KMO: variants seen among roughly 807,000 people sequenced by gnomAD.
KMO encodes the protein kynurenine 3-monooxygenase, also known as kynurenine 3-hydroxylase.
Under a neutral mutation model 57.8 loss-of-function variants are expected in KMO, and 24 were observed. That is an observed-to-expected ratio of 0.42 (90% confidence interval 0.30 to 0.58). KMO has a LOEUF of 0.58. Ranked by LOEUF, KMO falls within the 20% of genes least tolerant of loss-of-function variation. The probability of loss-of-function intolerance (pLI) is 0.22; values close to 1 mark genes in which losing one functional copy is unlikely to be tolerated. For synonymous variants in KMO, 210 were observed against 193.6 expected (o/e 1.08, Z -0.70); for missense variants, 483 against 588.2 (o/e 0.82, Z 1.85).
chr1:241,563,938 C>A (rs1234858524), intron 7 of KMO, among the ~76,000 whole-genome samples: 8 of 152,104 alleles, frequency 5.3e-5, no homozygotes, highest in Non-Finnish European at 1.2e-4. Flanking sequence ...GGGTAAATGG[C>A]TTTCTACCAC....
intron 4 of KMO, among the ~76,000 whole-genome samples, chr1:241,553,108 A>C (rs981723093): frequency 3.9e-5 from 6 of 152,260 alleles, no homozygotes; most frequent in African/African-American, 1.4e-4. Flanking sequence ...GGATATATCT[A>C]ACCTTTTTTA....
At chr1:241,551,387 T>C (rs1661387025) in intron 4 of KMO, among the ~76,000 whole-genome samples, 1 of 152,236 alleles carries the variant, frequency 6.6e-6, no homozygotes, top group African/African-American at 2.4e-5. Flanking sequence ...AAGCATAATG[T>C]ACAAGAACAA....
intron 10 of KMO, among the ~76,000 whole-genome samples, chr1:241,577,322 C>T (rs539421630): frequency 3.9e-4 from 59 of 152,062 alleles, no homozygotes; most frequent in Admixed American, 1.4e-3. Flanking sequence ...GTCATATTAC[C>T]GGAATTATTT....
At chr1:241,540,739 G>A (rs1660928862) in intron 1 of KMO, among the ~76,000 whole-genome samples, 2 of 152,162 alleles carry the variant, frequency 1.3e-5, no homozygotes, top group South Asian at 2.1e-4. Context: ...ACAACTGTAA[G>A]ACAAAAATAA....
At position 241,562,158 on chromosome 1, in the gene KMO, AT is replaced by A; in HGVS notation, c.450-4del. 3 of 1,612,992 alleles carry A rather than the reference AT, an allele frequency of 1.9e-6. No individual in the cohort carries two copies. Among genetic ancestry groups the A allele is most frequent in the Non-Finnish European group, 2.5e-6 (3 of 1,179,408 alleles). ...ATTTTTCTTTTGGATGTTTTGTTCT[AT>A]TTTTCAGATCTGACAAAGTTCCCAA... On this transcript the variant is annotated splice_region_variant and splice_polypyrimidine_tract_variant and intron_variant, in intron 6 of 14. Coordinates refer to ENST00000366559, the MANE Select transcript of KMO (RefSeq NM_003679.5).
At chr1:241,549,642 T>C in intron 2 of KMO, 35 bp from the exon 3 acceptor site, 1 of 1,371,154 alleles carries the variant, frequency 7.3e-7, no homozygotes, top group Non-Finnish European at 1.0e-6. Flanking sequence ...GGATATAAAG[T>C]GTGCGTAACA....
chr1:241,551,207 G>C (rs1368770286), intron 4 of KMO, among the ~76,000 whole-genome samples, 163 bp downstream of exon 4: 1 of 152,166 alleles, frequency 6.6e-6, no homozygotes, highest in African/African-American at 2.4e-5. Context: ...TTTATTCAGA[G>C]GAGATGCTCA....
At chr1:241,555,483 A>G (rs1661578712) in intron 4 of KMO, 129 bp from the exon 5 acceptor site, 2 of 517,362 alleles carry the variant, frequency 3.9e-6, no homozygotes, top group African/African-American at 3.8e-5. Context: ...CACTTAGCGA[A>G]ATGGTTATAA....
At chr1:241,568,327 A>G (rs976092094) in intron 9 of KMO, among the ~76,000 whole-genome samples, 173 bp from the exon 10 acceptor site, 4 of 152,210 alleles carry the variant, frequency 2.6e-5, no homozygotes, top group African/African-American at 9.6e-5. Flanking sequence ...GGTAATTAGA[A>G]TAATGGAATT....
At position 241,585,368 on chromosome 1, in the gene KMO, C is replaced by T. The variant is rs1662933031; in HGVS notation, c.958-1311C>T. Among the ~76,000 whole-genome samples the T allele has an allele frequency of 3.3e-5, 5 of 152,104 alleles. No individual in the cohort carries two copies. The South Asian group carries it at 1.0e-3, about 31-fold the overall frequency. ...TCTCAGCCCCATATGGTATCTCTCACTTCTATAGTATTGAGACTATATAAT... is the reference window on the plus strand; with the variant it reads ...TCTCAGCCCCATATGGTATCTCTCATTTCTATAGTATTGAGACTATATAAT... On this transcript the variant is annotated intron_variant, in intron 10 of 14. Coordinates refer to ENST00000366559, the MANE Select transcript of KMO (RefSeq NM_003679.5).
intron 2 of KMO, 76 bp downstream of exon 2, chr1:241,548,974 G>A (rs1661264508): frequency 3.2e-6 from 3 of 936,830 alleles, no homozygotes; most frequent in East Asian, 2.5e-5. Context: ...CAGGGCACAT[G>A]GATCGCTTGA....
At chr1:241,541,895 TAGAC>T (rs144455654) in intron 1 of KMO, among the ~76,000 whole-genome samples, 1,884 of 152,276 alleles carry the variant, frequency 0.012, 37 homozygotes, top group African/African-American at 0.042. Context: ...AAAAGTTAGA[TAGAC>T]AGAAAACTCA....
chr1:241,586,747 T>C lies in KMO; in HGVS notation c.1015+11T>C. The C allele has an allele frequency of 6.3e-7, 1 of 1,582,972 alleles. No homozygotes were observed. The highest frequency in any genetic ancestry group is 1.2e-5 in the South Asian group (1 of 86,504). On this transcript the variant is annotated intron_variant, in intron 11 of 14. Coordinates refer to ENST00000366559, the MANE Select transcript of KMO (RefSeq NM_003679.5). ...TCAGTAACGACCTTAGTAAGTAAGG[T>C]CAATTTCTCAACTGGACATGTACTA...
chr1:241,576,129 T>C (rs1159361208), intron 10 of KMO, among the ~76,000 whole-genome samples: 1 of 151,824 alleles, frequency 6.6e-6, no homozygotes, highest in Non-Finnish European at 1.5e-5. Context: ...TTTACACCCC[T>C]CTACCTTGAG....
chr1:241,590,644 A>G (rs555200808), intron 14 of KMO, among the ~76,000 whole-genome samples: 1 of 152,374 alleles, frequency 6.6e-6, no homozygotes, highest in East Asian at 1.9e-4. Flanking sequence ...GCTATAATAC[A>G]TCCATTTTGG....
intron 2 of KMO, 70 bp downstream of exon 2, chr1:241,548,968 G>T: frequency 1.0e-6 from 1 of 981,976 alleles, no homozygotes; most frequent in Non-Finnish European, 1.6e-6. Flanking sequence ...GGAGGCCAGG[G>T]CACATGGATC....
chr1:241,589,993 A>T lies in KMO; in HGVS notation c.1099-19A>T. On this transcript the variant is annotated intron_variant, in intron 12 of 14. Transcript: ENST00000366559. ...CTGTATTTGTTCAAAAGCGTTCTTT[A>T]AGACTGTCATTATTGCAGATGCGAG... is the stretch of plus-strand genomic sequence containing the variant. The T allele has an allele frequency of 2.5e-6, 4 of 1,590,118 alleles. No homozygotes were observed. Among genetic ancestry groups the T allele is most frequent in the Non-Finnish European group, 3.5e-6 (4 of 1,158,286 alleles).
chr1:241,583,609 G>C (rs1209278283), intron 10 of KMO, among the ~76,000 whole-genome samples: 1 of 152,008 alleles, frequency 6.6e-6, no homozygotes, highest in East Asian at 1.9e-4. Context: ...AGGGTCTCAG[G>C]TACTTAAAAT....
chr1:241,540,622 G>C (rs1261619219), intron 1 of KMO, among the ~76,000 whole-genome samples: 1 of 152,156 alleles, frequency 6.6e-6, no homozygotes, highest in African/African-American at 2.4e-5. Flanking sequence ...TAGTGCATGA[G>C]AATAGTGCAT....
Sources: allele counts gnomAD v4.1 joint callset (sites outside exome capture counted in the v4.1 genomes callset), GRCh38; gene constraint gnomAD v4.1.1; transcripts MANE v1.5; gene names NCBI Gene and HGNC (gene_info 2026-07-23, HGNC 2026-07-21).